Variants in CCDC93 observed in about 807,000 individuals in gnomAD.
CCDC93 encodes coiled-coil domain-containing protein 93.
Under a neutral mutation model 108.2 loss-of-function variants are expected in CCDC93, and 61 were observed. The ratio of observed to expected loss-of-function variants is 0.56; its 90% confidence interval spans 0.46 to 0.70. The LOEUF (loss-of-function observed/expected upper bound fraction) is 0.70, where lower values mean the gene tolerates loss of function less well. CCDC93 is among the 30% of genes least tolerant of loss of function. The pLI is 0.00. For synonymous variants in CCDC93, 276 were observed against 260.4 expected, an observed-to-expected ratio of 1.06 and a Z score of -0.58; for missense variants, 685 against 764.2, an observed-to-expected ratio of 0.90 and a Z score of 1.22.
chr2:117,950,901 C>T (rs1679033168), intron 13 of CCDC93: 1 of 985,248 alleles, frequency 1.0e-6, no homozygotes, highest in African/African-American at 1.7e-5. Context: ...TTAGCTTTCC[C>T]ATCTGCAAAA....
At position 117,917,091 on chromosome 2, in the gene CCDC93, G is replaced by A. The variant is rs1677709910; in HGVS notation, c.*3252C>T. ...ATCTGCACTTCAGAACAAGTGGTCA[G>A]GCTCAAAGTAACTGTGCTACTGCTA... is the stretch of plus-strand genomic sequence containing the variant. On this transcript the variant is annotated 3_prime_UTR_variant, in exon 24 of 24. Coordinates refer to ENST00000376300, the MANE Select transcript of CCDC93 (RefSeq NM_019044.5). The A allele has an allele frequency of 6.6e-6, 1 of 152,148 alleles. No homozygotes were observed. Among genetic ancestry groups the A allele is most frequent in the Admixed American group, 6.5e-5 (1 of 15,270 alleles). The allele number at this position is 152,148 out of a possible 1,614,324, so 9.4% of individuals were successfully genotyped here. A position where few individuals can be genotyped will look rare whatever the true frequency, so the allele number is the denominator to read the frequency against.
rs139067316 is a variant in CCDC93 at position 117,959,120 on chromosome 2, G to C, written c.889-639C>G. Among the ~76,000 whole-genome samples, 922 of 152,330 alleles carry C rather than the reference G, an allele frequency of 6.1e-3. 7 individuals carry two copies. The highest frequency in any genetic ancestry group is 0.014 in the Middle Eastern group (4 of 294). On this transcript the variant is annotated intron_variant, in intron 11 of 23. Transcript: ENST00000376300. ...CAGGACCAGGAGTGAGTGTGAGAGA[G>C]ATCTCTGAACAAGATGATGAGGTGA...
At chr2:117,977,781 T>C (rs1449021158) in intron 8 of CCDC93, among the ~76,000 whole-genome samples, 3 of 152,172 alleles carry the variant, frequency 2.0e-5, no homozygotes, top group Non-Finnish European at 4.4e-5. Context: ...TCACCCCTCA[T>C]TTCCAGCCCC....
intron 23 of CCDC93, among the ~76,000 whole-genome samples, chr2:117,922,657 T>C (rs1195984835): frequency 1.3e-5 from 2 of 152,126 alleles, no homozygotes; most frequent in Non-Finnish European, 1.5e-5. Flanking sequence ...CCATGAAGAA[T>C]AATTATTGCA....
chr2:118,006,632 T>G, intron 3 of CCDC93, 90 bp downstream of exon 3: 1 of 743,186 alleles, frequency 1.3e-6, no homozygotes, highest in Non-Finnish European at 2.4e-6. Flanking sequence ...ATAAACTATG[T>G]AAAGTGTCCA....
intron 1 of CCDC93, among the ~76,000 whole-genome samples, chr2:118,011,995 TGACAAA>T (rs1434730524): frequency 2.1e-4 from 32 of 152,324 alleles, no homozygotes; most frequent in African/African-American, 7.0e-4. Flanking sequence ...GCTAAATTTC[TGACAAA>T]GACAAACAAC....
At chr2:117,976,539 A>C (rs1236542621) in intron 8 of CCDC93, among the ~76,000 whole-genome samples, 1 of 152,224 alleles carries the variant, frequency 6.6e-6, no homozygotes, top group African/African-American at 2.4e-5. Context: ...ACTAATACTG[A>C]TATTAATAAT....
chr2:117,950,751 A>G, intron 13 of CCDC93: 1 of 985,446 alleles, frequency 1.0e-6, no homozygotes. Context: ...GTTGTTCAGT[A>G]CTAGGTTTTA....
At position 117,974,883 on chromosome 2, in the gene CCDC93, C is replaced by A; in HGVS notation, c.768G>T (p.Leu256=). Residue 256 remains leucine (L), a synonymous_variant, in exon 10 of 24, where the codon CTG becomes CTT. Coordinates refer to ENST00000376300, the MANE Select transcript of CCDC93 (RefSeq NM_019044.5). The part of the protein sequence containing the change: ...RAAEEQRIQS[L]MTKMTAMANE... ...TTGCCATAGCGGTCATCTTGGTCAT[C>A]AGCGACTGAATACGCTGCTGAAAGA... is the stretch of plus-strand genomic sequence containing the variant. 1.9e-6 allele frequency: 3 copies of A among 1,568,246 alleles called. No homozygotes were observed. Among genetic ancestry groups the A allele is most frequent in the Non-Finnish European group, 2.6e-6 (3 of 1,155,784 alleles).
intron 15 of CCDC93, chr2:117,947,885 G>C (rs954480623): frequency 1.0e-5 from 4 of 387,382 alleles, no homozygotes; most frequent in Non-Finnish European, 1.9e-5. Context: ...TAGTAGAGAC[G>C]GGGTTTCACA....
chr2:117,994,958 T>C (rs956292365), intron 6 of CCDC93, among the ~76,000 whole-genome samples: 2 of 152,158 alleles, frequency 1.3e-5, no homozygotes, highest in Non-Finnish European at 2.9e-5. Flanking sequence ...CCACTAACCC[T>C]TGTGCTGGCG....
intron 1 of CCDC93, chr2:118,012,379 T>G (rs1411694633): frequency 6.6e-6 from 1 of 152,248 alleles, no homozygotes; most frequent in Non-Finnish European, 1.5e-5. Flanking sequence ...TAAATGATGA[T>G]AAGTTATTGC....
chr2:117,922,869 T>G (rs1029873144), intron 23 of CCDC93, among the ~76,000 whole-genome samples: 1 of 151,818 alleles, frequency 6.6e-6, no homozygotes, highest in East Asian at 1.9e-4. Flanking sequence ...GGCTGTGGAG[T>G]AGCAAGCAAG....
At chr2:117,934,715 T>C (rs1678467827) in intron 22 of CCDC93, 1 of 152,198 alleles carries the variant, frequency 6.6e-6, no homozygotes, top group Non-Finnish European at 1.5e-5. Flanking sequence ...TGTGTTTACA[T>C]TCTGGCATCA....
chr2:117,977,522 CAG>C (rs1280807060), intron 8 of CCDC93, among the ~76,000 whole-genome samples: 1 of 152,196 alleles, frequency 6.6e-6, no homozygotes, highest in Admixed American at 6.5e-5. Context: ...CATAAATTAA[CAG>C]AAATCTTTGG....
At chr2:117,927,297 G>C (rs184268724) in intron 23 of CCDC93, among the ~76,000 whole-genome samples, 4 of 152,032 alleles carry the variant, frequency 2.6e-5, no homozygotes, top group African/African-American at 9.7e-5. Context: ...AGGAAATAAA[G>C]GGTATTCAAT....
At chr2:117,971,860 G>A (rs1679774361) in intron 11 of CCDC93, among the ~76,000 whole-genome samples, 1 of 152,186 alleles carries the variant, frequency 6.6e-6, no homozygotes, top group Admixed American at 6.5e-5. Context: ...TAGGATTAAA[G>A]GCAATTTAAT....
intron 11 of CCDC93, among the ~76,000 whole-genome samples, chr2:117,964,288 C>T (rs889077350): frequency 5.3e-5 from 8 of 152,162 alleles, no homozygotes; most frequent in Non-Finnish European, 7.3e-5. Context: ...CCAGCTAATT[C>T]GTAAGTAAAG....
chr2:117,993,871 T>C (rs1680563027), intron 6 of CCDC93, among the ~76,000 whole-genome samples: 1 of 152,200 alleles, frequency 6.6e-6, no homozygotes, highest in African/African-American at 2.4e-5. Context: ...GTAGCTAGGA[T>C]TACAGGGGTG....
Sources: allele counts gnomAD v4.1 joint callset (sites outside exome capture counted in the v4.1 genomes callset), GRCh38; gene constraint gnomAD v4.1.1; transcripts MANE v1.5; gene names NCBI Gene and HGNC (gene_info 2026-07-23, HGNC 2026-07-21).